The following DTD1 variants were observed in gnomAD, a reference collection of about 807,000 sequenced individuals.
DTD1 encodes D-tyrosyl-tRNA deacylase 1 homolog.
A neutral mutation model predicts 25.6 loss-of-function variants in DTD1; 13 were observed. The observed-to-expected ratio is 0.51, with a 90% CI of 0.33 to 0.81. The LOEUF (loss-of-function observed/expected upper bound fraction) is 0.81, where lower values mean the gene tolerates loss of function less well. Among genes scored for constraint, DTD1 ranks in the 30% least tolerant of loss-of-function variants. The pLI is 0.02. For synonymous variants in DTD1, 110 were observed against 103.6 expected, an observed-to-expected ratio of 1.06 and a Z score of -0.37; for missense variants, 193 against 266.4, an observed-to-expected ratio of 0.72 and a Z score of 1.92.
chr20:18,637,804 G>C (rs2060813112), intron 4 of DTD1, among the ~76,000 whole-genome samples: 1 of 152,158 alleles, frequency 6.6e-6, no homozygotes, highest in African/African-American at 2.4e-5. Context: ...CATGGTAAAA[G>C]CTTTTCACAA....
At chr20:18,750,994 A>G (rs531690192) in intron 5 of DTD1, among the ~76,000 whole-genome samples, 5 of 152,156 alleles carry the variant, frequency 3.3e-5, no homozygotes, top group African/African-American at 1.2e-4. Flanking sequence ...TGCTTTTTCA[A>G]TGTGACCTTT....
chr20:18,628,774 A>T (rs1006346381), intron 4 of DTD1, among the ~76,000 whole-genome samples: 3 of 152,240 alleles, frequency 2.0e-5, no homozygotes, highest in Non-Finnish European at 4.4e-5. Context: ...GCGTGGTCTC[A>T]TAGATGCTTA....
At chr20:18,592,464 T>G (rs6035087) in intron 1 of DTD1, 21,965 of 151,904 alleles carry the variant, frequency 0.14, 1,709 homozygotes, top group Admixed American at 0.2. Flanking sequence ...TGCATCAATA[T>G]GGTGAGTTCC....
intron 4 of DTD1, among the ~76,000 whole-genome samples, chr20:18,725,126 C>T (rs1405555500): frequency 6.6e-6 from 1 of 152,226 alleles, no homozygotes; most frequent in Non-Finnish European, 1.5e-5. Context: ...CAGCTCAGGG[C>T]AGTTTTGCAG....
chr20:18,761,253 C>G (rs1179921966), intron 5 of DTD1, among the ~76,000 whole-genome samples: 1 of 152,094 alleles, frequency 6.6e-6, no homozygotes, highest in Admixed American at 6.6e-5. Context: ...CCAGCAATCC[C>G]CAGTGAGATG....
rs1239614721 is a variant in DTD1, at chr20:18,765,067, G to C, written c.*1727G>C. 1 of 152,212 alleles carries C rather than the reference G, an allele frequency of 6.6e-6. No homozygotes were observed. Among genetic ancestry groups the C allele is most frequent in the African/African-American group, 2.4e-5 (1 of 41,440 alleles). The allele number at this position is 152,212 out of a possible 1,614,324, so 9.4% of individuals were successfully genotyped here. A position where few individuals can be genotyped will look rare whatever the true frequency, so the allele number is the denominator to read the frequency against. On this transcript the variant is annotated 3_prime_UTR_variant, in exon 6 of 6. Transcript: ENST00000377452. Reference sequence around the variant, plus strand: ...TTTGGATGGTGGTAAAATGCTAAAGGCCTTTGTTGGTCACAGCCCAGTTCC... The same window carrying C: ...TTTGGATGGTGGTAAAATGCTAAAGCCCTTTGTTGGTCACAGCCCAGTTCC...
chr20:18,623,874 C>CTGTGTGTGTGTGTGTGTGTGTG (rs55984974), intron 3 of DTD1, among the ~76,000 whole-genome samples: 3,022 of 143,640 alleles, frequency 0.021, 62 homozygotes, highest in Non-Finnish European at 0.03. Context: ...ACAAGAAGAA[C>CTGTGTGTGTGTGTGTGTGTGTG]TGTGTGTGTG....
At chr20:18,759,333 G>A (rs2061351896) in intron 5 of DTD1, among the ~76,000 whole-genome samples, 3 of 152,136 alleles carry the variant, frequency 2.0e-5, no homozygotes, top group South Asian at 2.1e-4. Flanking sequence ...TCCTAGCCTC[G>A]ATGGTCTTTA....
intron 5 of DTD1, among the ~76,000 whole-genome samples, chr20:18,762,121 T>TTA (rs1360481721): frequency 6.6e-6 from 1 of 152,198 alleles, no homozygotes; most frequent in Non-Finnish European, 1.5e-5. Flanking sequence ...ATGAGGGCTG[T>TTA]TAGTCTATGG....
At chr20:18,705,019 G>A (rs1335056123) in intron 4 of DTD1, among the ~76,000 whole-genome samples, 4 of 152,248 alleles carry the variant, frequency 2.6e-5, no homozygotes, top group East Asian at 3.9e-4. Context: ...GTGCTAAACT[G>A]AAATAAAATT....
At chr20:18,736,145 C>G (rs1231824661) in intron 4 of DTD1, among the ~76,000 whole-genome samples, 1 of 152,158 alleles carries the variant, frequency 6.6e-6, no homozygotes, top group Non-Finnish European at 1.5e-5. Context: ...CCCTTCATGG[C>G]TAAATCTAGT....
chr20:18,588,066 C>G lies in DTD1; in HGVS notation c.-7C>G. The G allele has an allele frequency of 7.9e-6, 11 of 1,398,732 alleles. No homozygotes were observed. Among genetic ancestry groups the G allele is most frequent in the Non-Finnish European group, 9.2e-6 (10 of 1,082,312 alleles). 86.6% of individuals were successfully genotyped at this position (1,398,732 alleles called of 1,614,324 possible). On this transcript the variant is annotated 5_prime_UTR_variant, in exon 1 of 6. Coordinates refer to ENST00000377452, the MANE Select transcript of DTD1 (RefSeq NM_080820.6). ...GCGGCGCCGCCCCACTCGCCCCAGC[C>G]GCCGCCATGAAGGCCGTGGTGCAGC...
At chr20:18,742,412 C>G (rs969859240) in intron 4 of DTD1, among the ~76,000 whole-genome samples, 1 of 152,154 alleles carries the variant, frequency 6.6e-6, no homozygotes, top group African/African-American at 2.4e-5. Context: ...ATCCCTGTGG[C>G]CTGTTAGGAA....
intron 4 of DTD1, among the ~76,000 whole-genome samples, chr20:18,650,132 G>A (rs2060868687): frequency 6.6e-6 from 1 of 152,220 alleles, no homozygotes; most frequent in Admixed American, 6.5e-5. Flanking sequence ...AGGAGGCTGA[G>A]TTGGGAGGAT....
In DTD1 at chr20:18,700,285, A is replaced by G. The variant is rs529256942; in HGVS notation, c.478-43815A>G. Among the ~76,000 whole-genome samples the G allele has an allele frequency of 2.0e-5, 3 of 152,322 alleles. No homozygotes were observed. In the South Asian group the frequency reaches 6.2e-4, roughly 32 times the overall value. ...AAAGTTACTATTTGTTTGTTTCTCA[A>G]GAGAACATTTCTTAAATGGACTTCT... On this transcript the variant is annotated intron_variant, in intron 4 of 5. Coordinates refer to ENST00000377452, the MANE Select transcript of DTD1 (RefSeq NM_080820.6).
chr20:18,712,170 GT>G (rs908462607), intron 4 of DTD1, among the ~76,000 whole-genome samples: 10 of 152,090 alleles, frequency 6.6e-5, no homozygotes, highest in Non-Finnish European at 2.9e-5. Flanking sequence ...CTAGTGTTCA[GT>G]GGCATACTGT....
chr20:18,731,127 T>TA (rs1472450591), intron 4 of DTD1, among the ~76,000 whole-genome samples: 1 of 152,264 alleles, frequency 6.6e-6, no homozygotes, highest in Non-Finnish European at 1.5e-5. Context: ...TTCCCTTATG[T>TA]ACTGAGCCTT....
chr20:18,656,794 A>G (rs546341969), intron 4 of DTD1, among the ~76,000 whole-genome samples: 37 of 152,364 alleles, frequency 2.4e-4, no homozygotes, highest in African/African-American at 8.4e-4. Flanking sequence ...GCCGTGGCAG[A>G]ACAGCCTCTC....
At position 18,618,895 on chromosome 20, in the gene DTD1, T is replaced by C. The variant is rs541439787; in HGVS notation, c.371-9232T>C. ...GCCCAGCTAATTTTTGTATTTTTAG[T>C]AGAGATGGGGTTTCACCATGTTGGC... On this transcript the variant is annotated intron_variant, in intron 3 of 5. Transcript: ENST00000377452. Among the ~76,000 whole-genome samples the C allele has an allele frequency of 2.0e-5, 3 of 152,184 alleles. No individual in the cohort carries two copies. In the East Asian group the frequency reaches 5.8e-4, roughly 29 times the overall value.
Sources: gnomAD v4.1 joint callset for allele counts (sites outside exome capture counted in the v4.1 genomes callset) on GRCh38, gnomAD v4.1.1 for gene constraint, MANE v1.5 for transcripts, NCBI Gene and HGNC (gene_info 2026-07-23, HGNC 2026-07-21) for gene names.